B3GALT1: variants seen among roughly 807,000 people sequenced by gnomAD.
The protein encoded by B3GALT1 is UDP-Gal:betaGlcNAc beta 1,3-galactosyltransferase, polypeptide 1.
B3GALT1 carries 10 observed loss-of-function variants against 23.2 expected under a neutral mutation model. The observed-to-expected ratio is 0.43, with a 90% confidence interval of 0.27 to 0.73. The LOEUF (loss-of-function observed/expected upper bound fraction) is 0.73. Ranked by LOEUF, B3GALT1 falls within the 30% of genes least tolerant of loss-of-function variation. The pLI is 0.21. For missense variants in B3GALT1, 299 were observed against 405.4 expected (o/e 0.74, Z 2.25); for synonymous variants, 156 against 141.5 (o/e 1.10, Z -0.73).
intron 1 of B3GALT1, among the ~76,000 whole-genome samples, chr2:167,401,965 A>C (rs899969764): frequency 6.6e-6 from 1 of 152,176 alleles, no homozygotes; most frequent in Non-Finnish European, 1.5e-5. Flanking sequence ...AATGGAAATG[A>C]ATGGGTTGTT....
chr2:167,684,516 C>G (rs1417771110), intron 3 of B3GALT1, among the ~76,000 whole-genome samples: 8 of 152,136 alleles, frequency 5.3e-5, no homozygotes, highest in Non-Finnish European at 7.3e-5. Context: ...TTTGTTACCC[C>G]AGAAAGCTGA....
At chr2:167,782,189 G>A (rs1038491499) in intron 3 of B3GALT1, among the ~76,000 whole-genome samples, 2 of 152,068 alleles carry the variant, frequency 1.3e-5, no homozygotes, top group Admixed American at 1.3e-4. Context: ...GTACACTAAC[G>A]GAGATTCCAT....
chr2:167,645,889 G>C (rs563993325), intron 2 of B3GALT1, among the ~76,000 whole-genome samples: 1 of 151,906 alleles, frequency 6.6e-6, no homozygotes, highest in Non-Finnish European at 1.5e-5. Flanking sequence ...ATGTGTACTT[G>C]GGGTGGGAGT....
chr2:167,863,461 A>G (rs1690145790), intron 4 of B3GALT1, among the ~76,000 whole-genome samples: 1 of 152,184 alleles, frequency 6.6e-6, no homozygotes, highest in African/African-American at 2.4e-5. Flanking sequence ...ATGGTTGTTA[A>G]TACCTGTGAT....
intron 4 of B3GALT1, among the ~76,000 whole-genome samples, chr2:167,823,870 A>G (rs1410152651): frequency 6.6e-6 from 1 of 152,262 alleles, no homozygotes; most frequent in Non-Finnish European, 1.5e-5. Flanking sequence ...GATAATATTT[A>G]GATATAACAA....
rs144748068 is a variant in B3GALT1, at chr2:167,533,295, G to T, written c.-410+43018G>T. Among the ~76,000 whole-genome samples the T allele has an allele frequency of 1.7e-3, 255 of 151,660 alleles. 1 individual carries two copies. Among genetic ancestry groups the T allele is most frequent in the African/African-American group, 5.6e-3 (230 of 41,360 alleles). On this transcript the variant is annotated intron_variant, in intron 2 of 4. Transcript: ENST00000392690. ...TCTTTCACCATTACGTTACCTGTAG[G>T]TTTCTCATATGTACTTTTTATTTCT... is the stretch of plus-strand genomic sequence containing the variant.
At chr2:167,734,208 A>T (rs2105268818) in intron 3 of B3GALT1, among the ~76,000 whole-genome samples, 1 of 152,310 alleles carries the variant, frequency 6.6e-6, no homozygotes, top group Middle Eastern at 3.4e-3. Flanking sequence ...TGTTCTGCAG[A>T]AGAAACTCCC....
At chr2:167,498,044 A>G (rs560784171) in intron 2 of B3GALT1, among the ~76,000 whole-genome samples, 1 of 152,302 alleles carries the variant, frequency 6.6e-6, no homozygotes, top group African/African-American at 2.4e-5. Context: ...CTTAAGGTGT[A>G]TGCAACTTCT....
intron 2 of B3GALT1, among the ~76,000 whole-genome samples, chr2:167,545,197 G>A (rs1683612688): frequency 2.6e-5 from 4 of 151,726 alleles, no homozygotes; most frequent in Non-Finnish European, 4.4e-5. Flanking sequence ...ACCACGCCCG[G>A]CTAATTTTTT....
At chr2:167,302,892 G>A (rs1374645405) in intron 1 of B3GALT1, among the ~76,000 whole-genome samples, 1 of 152,124 alleles carries the variant, frequency 6.6e-6, no homozygotes, top group East Asian at 1.9e-4. Context: ...GCTCATATCT[G>A]TAGCTCACAA....
In B3GALT1 at chr2:167,871,887, T is replaced by C. The variant is rs1257111018; in HGVS notation, c.*1867T>C. On this transcript the variant is annotated 3_prime_UTR_variant, in exon 5 of 5. Transcript: ENST00000392690. Reference sequence around the variant, plus strand: ...TGAAAGAGTGTACCTTTTTTATTTATTTACTTTTTTTTTTTTTTTTTTTTT... The same window carrying C: ...TGAAAGAGTGTACCTTTTTTATTTACTTACTTTTTTTTTTTTTTTTTTTTT... The C allele has an allele frequency of 2.7e-5, 4 of 147,158 alleles. No individual in the cohort carries two copies. Among genetic ancestry groups the C allele is most frequent in the Non-Finnish European group, 6.0e-5 (4 of 66,926 alleles). The allele number at this position is 147,158 out of a possible 1,614,324, so 9.1% of individuals were successfully genotyped here.
At chr2:167,408,175 A>C (rs1219373826) in intron 1 of B3GALT1, among the ~76,000 whole-genome samples, 1 of 152,160 alleles carries the variant, frequency 6.6e-6, no homozygotes, top group Non-Finnish European at 1.5e-5. Context: ...ATTATTCATC[A>C]TAACAAAGAG....
intron 3 of B3GALT1, among the ~76,000 whole-genome samples, chr2:167,668,535 A>G (rs561138895): frequency 1.1e-4 from 16 of 151,546 alleles, no homozygotes; most frequent in African/African-American, 3.2e-4. Flanking sequence ...AATGGCGGGC[A>G]CCCCTCCCCC....
At chr2:167,814,242 A>G (rs1688946493) in intron 3 of B3GALT1, among the ~76,000 whole-genome samples, 1 of 152,218 alleles carries the variant, frequency 6.6e-6, no homozygotes, top group African/African-American at 2.4e-5. Context: ...TGGAGGTCAT[A>G]TCACTAAGTT....
At chr2:167,713,480 A>ATTTTGTTTTTGTTTT (rs991881595) in intron 3 of B3GALT1, among the ~76,000 whole-genome samples, 1 of 152,268 alleles carries the variant, frequency 6.6e-6, no homozygotes, top group African/African-American at 2.4e-5. Flanking sequence ...ATCACTATAC[A>ATTTTGTTTTTGTTTT]TTTTGTTTTT....
At chr2:167,435,150 C>A (rs948009548) in intron 1 of B3GALT1, among the ~76,000 whole-genome samples, 1 of 151,728 alleles carries the variant, frequency 6.6e-6, no homozygotes, top group African/African-American at 2.4e-5. Context: ...GTTTAAGAAA[C>A]CGAAGACATT....
At chr2:167,440,772 ATC>A (rs1484524929) in intron 1 of B3GALT1, among the ~76,000 whole-genome samples, 1 of 151,804 alleles carries the variant, frequency 6.6e-6, no homozygotes, top group Non-Finnish European at 1.5e-5. Flanking sequence ...GACCTTTCTT[ATC>A]TCATAGTTTT....
At chr2:167,712,017 T>C (rs960345342) in intron 3 of B3GALT1, among the ~76,000 whole-genome samples, 5 of 152,206 alleles carry the variant, frequency 3.3e-5, no homozygotes, top group Non-Finnish European at 5.9e-5. Context: ...GCAAAACTTA[T>C]TAGCTTTAGT....
intron 2 of B3GALT1, among the ~76,000 whole-genome samples, chr2:167,586,333 T>C (rs908316117): frequency 3.3e-5 from 5 of 152,162 alleles, no homozygotes; most frequent in Non-Finnish European, 7.4e-5. Context: ...GGAGTCTTGC[T>C]CAGTCGCCCA....
Sources: gnomAD v4.1 joint callset for allele counts (sites outside exome capture counted in the v4.1 genomes callset) on GRCh38, gnomAD v4.1.1 for gene constraint, MANE v1.5 for transcripts, NCBI Gene and HGNC (gene_info 2026-07-23, HGNC 2026-07-21) for gene names.